Variants in DPYSL5 observed in about 807,000 individuals in gnomAD.
The protein encoded by DPYSL5 is dihydropyrimidinase-related protein 5.
Under a neutral mutation model 58.4 loss-of-function variants are expected in DPYSL5, and 9 were observed. The observed-to-expected ratio is 0.15, with a 90% CI of 0.09 to 0.27. DPYSL5 has a LOEUF of 0.27. Ranked by LOEUF, DPYSL5 falls within the 10% of genes least tolerant of loss-of-function variation. DPYSL5 has a pLI of 1.00. For synonymous variants in DPYSL5, 293 were observed against 301.9 expected, an observed-to-expected ratio of 0.97 and a Z score of 0.31; for missense variants, 499 against 770.6, an observed-to-expected ratio of 0.65 and a Z score of 4.17.
At chr2:26,896,060 G>A (rs1050610604) in intron 1 of DPYSL5, among the ~76,000 whole-genome samples, 14 of 152,000 alleles carry the variant, frequency 9.2e-5, no homozygotes, top group African/African-American at 3.4e-4. Context: ...TTACAAGCAT[G>A]AGCCACCGCA....
At chr2:26,889,463 A>T (rs1278234848) in intron 1 of DPYSL5, among the ~76,000 whole-genome samples, 1 of 151,740 alleles carries the variant, frequency 6.6e-6, no homozygotes, top group Non-Finnish European at 1.5e-5. Flanking sequence ...GTAGACACAC[A>T]GTTTCATCGT....
intron 11 of DPYSL5, among the ~76,000 whole-genome samples, chr2:26,943,366 G>A (rs1665375498): frequency 6.6e-6 from 1 of 152,186 alleles, no homozygotes; most frequent in Admixed American, 6.5e-5. Flanking sequence ...CGTGACTTTC[G>A]TGATCGCAGG....
intron 12 of DPYSL5, among the ~76,000 whole-genome samples, chr2:26,946,223 C>T (rs1335669967): frequency 6.6e-6 from 1 of 152,172 alleles, no homozygotes; most frequent in African/African-American, 2.4e-5. Context: ...GACCAGCAGC[C>T]TCCTCTTCTC....
chr2:26,899,724 C>A (rs1178138754), intron 2 of DPYSL5, among the ~76,000 whole-genome samples: 1 of 152,150 alleles, frequency 6.6e-6, no homozygotes, highest in Non-Finnish European at 1.5e-5. Context: ...CCTTGGAAGG[C>A]TGGGCTATGA....
Position 26,944,849 on chromosome 2 carries a change from G to T in DPYSL5, c.1609+25G>T. 6.2e-7 allele frequency: 1 copy of T among 1,610,206 alleles called. No individual in the cohort carries two copies. ...GGTAAGAGTCAGGGGGCCACGGGAG[G>T]AGGATGGGGGTCTGGGAGAAGTGGC... On this transcript the variant is annotated intron_variant, in intron 12 of 12. Coordinates refer to ENST00000288699, the MANE Select transcript of DPYSL5 (RefSeq NM_020134.4). The surrounding 1 kb of genome is among the most constrained non-coding windows in gnomAD (Gnocchi z 4.4).
chr2:26,857,276 C>T (rs543652959), intron 1 of DPYSL5, among the ~76,000 whole-genome samples: 2 of 152,274 alleles, frequency 1.3e-5, no homozygotes, highest in South Asian at 4.1e-4. Context: ...GTGGCTCACG[C>T]CTGTAATCCC....
chr2:26,924,904 C>T lies in DPYSL5; in HGVS notation c.279C>T (p.Gly93=). Residue 93 remains glycine (G), a synonymous_variant, in exon 3 of 13, where the codon GGC becomes GGT. Transcript: ENST00000288699. The surrounding 1 kb of genome is among the most constrained non-coding windows in gnomAD (Gnocchi z 4.7). ...CTTCCCAGGCAGCACTCGTCGGAGG[C>T]ACCACCATGATCATCGGCCACGTCC... The part of the protein sequence containing the change: ...YHGTKAALVG[G]TTMIIGHVLP... 1.2e-6 allele frequency: 2 copies of T among 1,613,942 alleles called. No homozygotes were observed. The highest frequency in any genetic ancestry group is 1.7e-6 in the Non-Finnish European group (2 of 1,179,944).
At chr2:26,873,831 C>A (rs578232628) in intron 1 of DPYSL5, among the ~76,000 whole-genome samples, 1 of 152,348 alleles carries the variant, frequency 6.6e-6, no homozygotes, top group Admixed American at 6.5e-5. Context: ...ACTGACTCAA[C>A]TGCTAATCTC....
At chr2:26,890,527 G>A (rs1329974127) in intron 1 of DPYSL5, among the ~76,000 whole-genome samples, 2 of 152,176 alleles carry the variant, frequency 1.3e-5, no homozygotes, top group South Asian at 2.1e-4. Flanking sequence ...AGCAGCCCAC[G>A]TGGAAAGCTG....
At chr2:26,902,503 G>A (rs894193132) in intron 2 of DPYSL5, among the ~76,000 whole-genome samples, 2 of 152,214 alleles carry the variant, frequency 1.3e-5, no homozygotes, top group Middle Eastern at 3.4e-3. Context: ...GGACAGACAC[G>A]TGCAACTGAA....
intron 1 of DPYSL5, among the ~76,000 whole-genome samples, chr2:26,854,572 A>G (rs144752018): frequency 6.6e-6 from 1 of 152,232 alleles, no homozygotes; most frequent in Non-Finnish European, 1.5e-5. Context: ...TGAGATTCAC[A>G]GTTAACTAAA....
rs936823812 is a variant in DPYSL5 at position 26,934,188 on chromosome 2, A to G, written c.791-390A>G. 2.2e-4 allele frequency among the ~76,000 whole-genome samples: 33 copies of G among 152,302 alleles called. No homozygotes were observed. The highest frequency in any genetic ancestry group is 7.9e-4 in the African/African-American group (33 of 41,550). On this transcript the variant is annotated intron_variant, in intron 7 of 12. Transcript: ENST00000288699. This position sits in a 1 kb window ranked among gnomAD's most constrained non-coding sequence, Gnocchi z 4.3. ...CCGTTCTCTTGAAGCTGCTCACAGC[A>G]ACTGCCTGTCCAGAAAACAGTCTAG...
chr2:26,883,373 C>G (rs760395672), intron 1 of DPYSL5, among the ~76,000 whole-genome samples: 2 of 151,914 alleles, frequency 1.3e-5, no homozygotes, highest in Non-Finnish European at 2.9e-5. Context: ...GGAATCATAC[C>G]GTATTTGCTC....
At chr2:26,861,659 C>T (rs1187182842) in intron 1 of DPYSL5, among the ~76,000 whole-genome samples, 1 of 152,100 alleles carries the variant, frequency 6.6e-6, no homozygotes. Context: ...TCATGTAGAG[C>T]ATTCATTTCA....
chr2:26,881,392 G>C (rs1189750451), intron 1 of DPYSL5, among the ~76,000 whole-genome samples: 1 of 152,096 alleles, frequency 6.6e-6, no homozygotes, highest in Non-Finnish European at 1.5e-5. Context: ...CTTCCTGCCT[G>C]CCCCCGGGAG....
At chr2:26,908,128 G>A (rs1664346036) in intron 2 of DPYSL5, among the ~76,000 whole-genome samples, 1 of 152,200 alleles carries the variant, frequency 6.6e-6, no homozygotes, top group African/African-American at 2.4e-5. Context: ...TGCTTATTAA[G>A]CATTATGTGA....
chr2:26,945,977 G>A (rs1020004572), intron 12 of DPYSL5, among the ~76,000 whole-genome samples: 2 of 152,156 alleles, frequency 1.3e-5, no homozygotes, highest in Non-Finnish European at 2.9e-5. Context: ...CCATGGGGAG[G>A]GGTCCTCTCT....
chr2:26,869,744 G>A (rs1321893252), intron 1 of DPYSL5, among the ~76,000 whole-genome samples: 1 of 152,162 alleles, frequency 6.6e-6, no homozygotes, highest in Non-Finnish European at 1.5e-5. Context: ...GGACGCGGTG[G>A]CTCACACCTG....
At chr2:26,886,146 T>C (rs1663714160) in intron 1 of DPYSL5, among the ~76,000 whole-genome samples, 2 of 152,222 alleles carry the variant, frequency 1.3e-5, no homozygotes, top group South Asian at 4.1e-4. Flanking sequence ...AACTGGGGGT[T>C]GTGAAAAGCT....
Sources: gnomAD v4.1 joint callset for allele counts (sites outside exome capture counted in the v4.1 genomes callset) on GRCh38, gnomAD v4.1.1 for gene constraint, Gnocchi (gnomAD v3.1) non-coding constraint, MANE v1.5 for transcripts, NCBI Gene and HGNC (gene_info 2026-07-23, HGNC 2026-07-21) for gene names.